Variants in SETBP1 observed in about 807,000 individuals in gnomAD.
The protein encoded by SETBP1 is SET-binding protein.
A neutral mutation model predicts 101.0 loss-of-function variants in SETBP1; 9 were observed. The observed-to-expected ratio is 0.09, with a 90% confidence interval of 0.05 to 0.16. The LOEUF is 0.16. Among genes scored for constraint, SETBP1 ranks in the 10% least tolerant of loss-of-function variants. The pLI is 1.00. For missense variants in SETBP1, 1,858 were observed against 2,033.8 expected (o/e 0.91, Z 1.66); for synonymous variants, 818 against 788.5 (o/e 1.04, Z -0.63).
intron 3 of SETBP1, among the ~76,000 whole-genome samples, chr18:44,896,101 T>A (rs1404297283): frequency 6.6e-6 from 1 of 152,126 alleles, no homozygotes; most frequent in Non-Finnish European, 1.5e-5. Context: ...CCTCTTAACT[T>A]TGCCGGTTGT....
At chr18:44,771,829 G>T (rs1348982783) in intron 2 of SETBP1, among the ~76,000 whole-genome samples, 1 of 152,220 alleles carries the variant, frequency 6.6e-6, no homozygotes. Context: ...GCTGGGAAGG[G>T]AATGGAGGAG....
chr18:44,951,807 C>T lies in SETBP1; in HGVS notation c.2467C>T (p.His823Tyr). The T allele has an allele frequency of 6.2e-7, 1 of 1,614,106 alleles. No individual in the cohort carries two copies. The highest frequency in any genetic ancestry group is 8.5e-7 in the Non-Finnish European group (1 of 1,180,028). Residue 823 changes from histidine to tyrosine, a missense_variant, in exon 4 of 6, where the codon CAC becomes TAC. Physicochemically the swap from His to Tyr is moderately conservative, Grantham distance 83. Around this residue, in one of 12 missense-constraint regions of SETBP1, gnomAD observed 121 missense variants for 138.0 expected, o/e 0.88. Transcript: ENST00000649279. This position sits in a 1 kb window ranked among gnomAD's most constrained non-coding sequence, Gnocchi z 7.8. ...TCCAACCAAAACCCAAAAGGGAATACACAGTGGAACCTGGAAGCTGTCTCC... is the reference window on the plus strand; with the variant it reads ...TCCAACCAAAACCCAAAAGGGAATATACAGTGGAACCTGGAAGCTGTCTCC... The part of the protein sequence containing the change: ...ALPTKTQKGI[H>Y]SGTWKLSPPR...
rs887766119 is a variant in SETBP1, at chr18:45,067,137, T to C, written c.*3439T>C. 1 of 152,186 alleles carries C rather than the reference T, an allele frequency of 6.6e-6. No individual in the cohort carries two copies. Among genetic ancestry groups the C allele is most frequent in the Non-Finnish European group, 1.5e-5 (1 of 68,024 alleles). 9.4% of individuals were successfully genotyped at this position (152,186 alleles called of 1,614,324 possible). On this transcript the variant is annotated 3_prime_UTR_variant, in exon 6 of 6. Coordinates refer to ENST00000649279, the MANE Select transcript of SETBP1 (RefSeq NM_015559.3). ...ACTAAGGGCTGGCAGAAGATTAGAA[T>C]GTTAATTTGGCTGCTGTCCGGACTA...
chr18:44,745,138 T>C lies in SETBP1; in HGVS notation c.486+43306T>C, dbSNP rs566985999. On this transcript the variant is annotated intron_variant, in intron 2 of 5. Transcript: ENST00000649279. ...TGCTGCGACGCCCTGCCCGGCCCCC[T>C]TTTGGGTAGAATCTCTTCTCCTTGT... 2.4e-4 allele frequency among the ~76,000 whole-genome samples: 36 copies of C among 152,308 alleles called. 1 individual carries two copies. In the South Asian group the frequency reaches 7.3e-3, roughly 31 times the overall value.
chr18:45,007,819 A>T (rs2072760897), intron 4 of SETBP1, among the ~76,000 whole-genome samples: 1 of 152,198 alleles, frequency 6.6e-6, no homozygotes, highest in African/African-American at 2.4e-5. Context: ...AGCTATTCTG[A>T]GGATGAAGAA....
chr18:45,032,798 C>T (rs1440902614), intron 4 of SETBP1, among the ~76,000 whole-genome samples: 1 of 152,118 alleles, frequency 6.6e-6, no homozygotes, highest in East Asian at 1.9e-4. Context: ...TGGAATTTGC[C>T]TTTTTCTAAT....
intron 4 of SETBP1, among the ~76,000 whole-genome samples, chr18:44,980,804 T>C (rs1599405510): frequency 1.3e-5 from 2 of 152,144 alleles, no homozygotes; most frequent in South Asian, 2.1e-4. Context: ...GGGTAAGAGG[T>C]TGCAAAGCAT....
chr18:44,739,013 C>T (rs1033755260), intron 2 of SETBP1, among the ~76,000 whole-genome samples: 22 of 152,130 alleles, frequency 1.4e-4, no homozygotes, highest in African/African-American at 5.3e-4. Flanking sequence ...GTTTCCTTTT[C>T]TTTTTCAGCT....
chr18:45,041,215 G>A (rs1036544118), intron 5 of SETBP1, among the ~76,000 whole-genome samples: 8 of 152,090 alleles, frequency 5.3e-5, no homozygotes, highest in African/African-American at 1.9e-4. Context: ...CCATAAATAT[G>A]GACTTCTACT....
chr18:45,015,676 A>G (rs1037198620), intron 4 of SETBP1, among the ~76,000 whole-genome samples: 2 of 152,224 alleles, frequency 1.3e-5, no homozygotes, highest in African/African-American at 4.8e-5. Context: ...CTGTGCATCT[A>G]CCTTTATCAA....
chr18:44,803,436 T>A (rs747835192), intron 2 of SETBP1, among the ~76,000 whole-genome samples: 18 of 152,158 alleles, frequency 1.2e-4, no homozygotes, highest in Non-Finnish European at 2.6e-4. Flanking sequence ...CAGGATTGCA[T>A]CTGATAGCCA....
At chr18:44,938,635 G>C (rs1049733255) in intron 3 of SETBP1, among the ~76,000 whole-genome samples, 11 of 152,228 alleles carry the variant, frequency 7.2e-5, no homozygotes, top group Admixed American at 5.9e-4. Flanking sequence ...CCAGGTTCTT[G>C]TCAAGCTTCC....
At chr18:45,013,503 G>A (rs1479107437) in intron 4 of SETBP1, among the ~76,000 whole-genome samples, 1 of 151,754 alleles carries the variant, frequency 6.6e-6, no homozygotes, top group East Asian at 1.9e-4. Flanking sequence ...GCAGTGGTGT[G>A]ACCTGGGCTC....
chr18:44,680,870 T>G (rs1455601920), upstream of SETBP1: 2 of 12,282 alleles, frequency 1.6e-4, no homozygotes, highest in Non-Finnish European at 2.6e-4. Flanking sequence ...GAAGGCAGGA[T>G]TTTTTTTTTC....
At position 44,838,610 on chromosome 18, in the gene SETBP1, G is replaced by A. The variant is rs1289726996; in HGVS notation, c.487-30620G>A. Among the ~76,000 whole-genome samples, 14 of 152,258 alleles carry A rather than the reference G, an allele frequency of 9.2e-5. 1 individual carries two copies. The South Asian group carries it at 2.9e-3, about 32-fold the overall frequency. ...TACCATTTACATCATTCCTTACTAG[G>A]ACAGTTTACTCCAAGGCCCTGCTTA... is the stretch of plus-strand genomic sequence containing the variant. On this transcript the variant is annotated intron_variant, in intron 2 of 5. Coordinates refer to ENST00000649279, the MANE Select transcript of SETBP1 (RefSeq NM_015559.3).
intron 5 of SETBP1, among the ~76,000 whole-genome samples, chr18:45,053,869 T>G (rs2073763812): frequency 6.6e-6 from 1 of 152,120 alleles, no homozygotes; most frequent in Non-Finnish European, 1.5e-5. Flanking sequence ...TATTTATGGT[T>G]AAGGATAAAG....
At chr18:44,695,731 G>T (rs1352501398) in intron 1 of SETBP1, among the ~76,000 whole-genome samples, 1 of 152,176 alleles carries the variant, frequency 6.6e-6, no homozygotes, top group African/African-American at 2.4e-5. Flanking sequence ...TTTAAGACCT[G>T]AGAGGTGCAC....
At chr18:44,842,867 G>A (rs184256047) in intron 2 of SETBP1, among the ~76,000 whole-genome samples, 1 of 152,316 alleles carries the variant, frequency 6.6e-6, no homozygotes, top group East Asian at 1.9e-4. Flanking sequence ...CCCTCATGTG[G>A]ATTTCCATTG....
intron 2 of SETBP1, among the ~76,000 whole-genome samples, chr18:44,828,999 G>A (rs1166908329): frequency 6.6e-6 from 1 of 152,200 alleles, no homozygotes; most frequent in Admixed American, 6.5e-5. Context: ...CCAGTCTGTG[G>A]TATTTTGTTA....
Sources: allele counts gnomAD v4.1 joint callset (sites outside exome capture counted in the v4.1 genomes callset), GRCh38; gene constraint gnomAD v4.1.1; regional missense constraint gnomAD v4.1.1; non-coding constraint Gnocchi (gnomAD v3.1); transcripts MANE v1.5; gene names NCBI Gene and HGNC (gene_info 2026-07-23, HGNC 2026-07-21).